Variants in RRP15 observed in about 807,000 individuals in gnomAD.
The protein encoded by RRP15 is RRP15-like protein.
In RRP15, 18 loss-of-function variants were observed where a neutral mutation model predicts 27.1. The ratio of observed to expected loss-of-function variants is 0.66; its 90% CI spans 0.46 to 0.98. The LOEUF (loss-of-function observed/expected upper bound fraction) is 0.98. RRP15 is among the 50% of genes least tolerant of loss of function. The pLI, the probability that RRP15 is intolerant of heterozygous loss-of-function variation, is 0.00. For missense variants in RRP15, 359 were observed against 337.8 expected (o/e 1.06, Z -0.49); for synonymous variants, 107 against 109.4 (o/e 0.98, Z 0.14).
chr1:218,316,525 G>T (rs987915642), intron 4 of RRP15, among the ~76,000 whole-genome samples: 1 of 152,108 alleles, frequency 6.6e-6, no homozygotes, highest in Non-Finnish European at 1.5e-5. Context: ...GAGACCATTT[G>T]TGGGGATATA....
chr1:218,292,427 G>T (rs1432420970), intron 1 of RRP15, among the ~76,000 whole-genome samples: 1 of 152,036 alleles, frequency 6.6e-6, no homozygotes, highest in African/African-American at 2.4e-5. Context: ...GCACAGAAAT[G>T]GAAAAAATGT....
chr1:218,314,906 C>T (rs569656550), intron 4 of RRP15, among the ~76,000 whole-genome samples: 1 of 150,152 alleles, frequency 6.7e-6, no homozygotes, highest in Non-Finnish European at 1.5e-5. Context: ...GCAGGAGAAT[C>T]GCTTGAACCT....
intron 1 of RRP15, among the ~76,000 whole-genome samples, chr1:218,297,252 TC>T (rs1178422340): frequency 6.6e-6 from 1 of 152,184 alleles, no homozygotes; most frequent in East Asian, 1.9e-4. Flanking sequence ...AACTCTCTAG[TC>T]ATCTAAAGCT....
At position 218,337,037 on chromosome 1, in the gene RRP15, T is replaced by A. The variant is rs1656460241; in HGVS notation, c.*5946T>A. 6.6e-6 allele frequency: 1 copy of A among 152,224 alleles called. No individual in the cohort carries two copies. 9.4% of individuals were successfully genotyped at this position (152,224 alleles called of 1,614,324 possible). A position where few individuals can be genotyped will look rare whatever the true frequency, so the allele number is the denominator to read the frequency against. The stretch of plus-strand genomic sequence containing the variant: ...TTGAGTCCTACTAGTTTTGTTTCCT[T>A]GTGTAAGTTTCTTAACCTTTGTAAG... On this transcript the variant is annotated 3_prime_UTR_variant, in exon 5 of 5. Transcript: ENST00000366932.
intron 4 of RRP15, among the ~76,000 whole-genome samples, chr1:218,308,698 T>C (rs1224936922): frequency 2.0e-5 from 3 of 152,232 alleles, no homozygotes; most frequent in South Asian, 4.1e-4. Context: ...TCTACTTGTC[T>C]CTTTCTTGAA....
chr1:218,287,621 T>C (rs1655571069), intron 1 of RRP15, among the ~76,000 whole-genome samples: 1 of 152,160 alleles, frequency 6.6e-6, no homozygotes, highest in African/African-American at 2.4e-5. Flanking sequence ...GTTTTCAAGA[T>C]CATGGTTCAA....
At chr1:218,291,439 T>C (rs2102491361) in intron 1 of RRP15, among the ~76,000 whole-genome samples, 1 of 150,738 alleles carries the variant, frequency 6.6e-6, no homozygotes, top group East Asian at 2.0e-4. Context: ...AGTGAGACTC[T>C]GTCTCAAAAA....
At chr1:218,289,584 C>A (rs1655602028) in intron 1 of RRP15, among the ~76,000 whole-genome samples, 1 of 152,252 alleles carries the variant, frequency 6.6e-6, no homozygotes, top group Non-Finnish European at 1.5e-5. Context: ...AAGCTGGAAA[C>A]ACAAGTGTCA....
intron 4 of RRP15, among the ~76,000 whole-genome samples, chr1:218,326,866 C>T (rs1012268013): frequency 6.6e-6 from 1 of 152,192 alleles, no homozygotes; most frequent in Non-Finnish European, 1.5e-5. Context: ...AAGTAGAGCA[C>T]TAAATGTTTC....
At chr1:218,299,490 A>T (rs1331312247) in intron 1 of RRP15, among the ~76,000 whole-genome samples, 1 of 152,152 alleles carries the variant, frequency 6.6e-6, no homozygotes, top group African/African-American at 2.4e-5. Context: ...ACACCATCAG[A>T]AAGTGTTTCG....
chr1:218,285,802 G>A (rs2102487844), intron 1 of RRP15, among the ~76,000 whole-genome samples: 1 of 152,194 alleles, frequency 6.6e-6, no homozygotes, highest in East Asian at 1.9e-4. Flanking sequence ...GGGTCTCATA[G>A]GGTGTAAGAA....
At chr1:218,291,636 ATTC>A (rs1295256400) in intron 1 of RRP15, among the ~76,000 whole-genome samples, 46 of 149,064 alleles carry the variant, frequency 3.1e-4, no homozygotes, top group Admixed American at 6.7e-5. Context: ...GGTTCAAGCA[ATTC>A]TTCTGCCTCA....
chr1:218,318,004 G>A (rs1656117165), intron 4 of RRP15, among the ~76,000 whole-genome samples: 1 of 151,752 alleles, frequency 6.6e-6, no homozygotes, highest in African/African-American at 2.4e-5. Context: ...CAAAGTGCTG[G>A]GATTACAGGC....
Position 218,336,072 on chromosome 1 carries a change from C to T in RRP15, c.*4981C>T, listed in dbSNP as rs1656442826. ...TTGAGAACTGCCGGAGCAACAGATA[C>T]CACCATGTAAGGAGTGAATTCCCAT... On this transcript the variant is annotated 3_prime_UTR_variant, in exon 5 of 5. Coordinates refer to ENST00000366932, the MANE Select transcript of RRP15 (RefSeq NM_016052.4). The T allele has an allele frequency of 6.6e-6, 1 of 152,036 alleles. No homozygotes were observed. Among genetic ancestry groups the T allele is most frequent in the Non-Finnish European group, 1.5e-5 (1 of 68,030 alleles). The allele number at this position is 152,036 out of a possible 1,614,324, so 9.4% of individuals were successfully genotyped here. A position where few individuals can be genotyped will look rare whatever the true frequency, so the allele number is the denominator to read the frequency against.
chr1:218,303,620 T>A (rs371840118), intron 2 of RRP15, among the ~76,000 whole-genome samples: 4 of 152,186 alleles, frequency 2.6e-5, no homozygotes, highest in East Asian at 1.9e-4. Context: ...AATCTTTGAT[T>A]TCCTCTGGTC....
At chr1:218,303,877 T>C (rs537219484) in intron 2 of RRP15, among the ~76,000 whole-genome samples, 1 of 152,352 alleles carries the variant, frequency 6.6e-6, no homozygotes, top group Admixed American at 6.5e-5. Context: ...CAGCTACTTA[T>C]TTCTAATCAT....
intron 1 of RRP15, among the ~76,000 whole-genome samples, chr1:218,286,206 T>A (rs1198846308): frequency 2.6e-5 from 4 of 152,214 alleles, no homozygotes; most frequent in Non-Finnish European, 5.9e-5. Flanking sequence ...GCTGTCTGTT[T>A]GAGATGATCC....
At chr1:218,321,320 T>TA (rs1428264850) in intron 4 of RRP15, among the ~76,000 whole-genome samples, 1 of 152,238 alleles carries the variant, frequency 6.6e-6, no homozygotes, top group African/African-American at 2.4e-5. Flanking sequence ...TTTCATTTGA[T>TA]ATAAGCAGAA....
chr1:218,309,896 T>C (rs1407944234), intron 4 of RRP15, among the ~76,000 whole-genome samples: 1 of 152,118 alleles, frequency 6.6e-6, no homozygotes, highest in Non-Finnish European at 1.5e-5. Flanking sequence ...AAGATGTACA[T>C]TAAGTGGCTA....
Sources: gnomAD v4.1 joint callset for allele counts (sites outside exome capture counted in the v4.1 genomes callset) on GRCh38, gnomAD v4.1.1 for gene constraint, MANE v1.5 for transcripts, NCBI Gene and HGNC (gene_info 2026-07-23, HGNC 2026-07-21) for gene names.